Variants in TRIM48 observed in about 807,000 individuals in gnomAD.
TRIM48 encodes tripartite motif containing 48, also known as E3 ubiquitin-protein ligase TRIM48.
TRIM48 carries 31 observed loss-of-function variants against 29.5 expected under a neutral mutation model. The observed-to-expected ratio is 1.05, with a 90% CI of 0.79 to 1.42. The LOEUF is 1.42. Ranked by LOEUF, TRIM48 falls within the 40% of genes most tolerant of loss-of-function variation. The pLI, the probability that TRIM48 is intolerant of heterozygous loss-of-function variation, is 0.00. For missense variants in TRIM48, 344 were observed against 265.0 expected (o/e 1.30, Z -2.07); for synonymous variants, 128 against 90.6 (o/e 1.41, Z -2.34).
intron 5 of TRIM48, among the ~76,000 whole-genome samples, chr11:55,269,974 T>C (rs1266901084): frequency 1.4e-5 from 2 of 147,978 alleles, no homozygotes; most frequent in African/African-American, 2.5e-5. Flanking sequence ...GAAATCTGCT[T>C]CAAATGATCA....
At chr11:55,264,178 G>C (rs1034034606) in intron 1 of TRIM48, among the ~76,000 whole-genome samples, 1 of 123,332 alleles carries the variant, frequency 8.1e-6, no homozygotes, top group Non-Finnish European at 1.8e-5. Flanking sequence ...TCAGAGTTTG[G>C]GTATCCCTAG....
chr11:55,266,302 G>C (rs953710866), intron 3 of TRIM48, among the ~76,000 whole-genome samples: 1 of 147,648 alleles, frequency 6.8e-6, no homozygotes, highest in African/African-American at 2.5e-5. Context: ...TAAATATAAG[G>C]AGAACTCTGA....
At chr11:55,262,372 A>G in intron 1 of TRIM48, 61 bp downstream of exon 1, 2 of 1,211,462 alleles carry the variant, frequency 1.7e-6, no homozygotes, top group Non-Finnish European at 2.4e-6. Flanking sequence ...AATAAATTAG[A>G]GTGTTAAAAA....
Position 55,269,267 on chromosome 11 carries a change from C to G in TRIM48, c.604C>G (p.Pro202Ala). Residue 202 changes from proline to alanine, a missense_variant, in exon 5 of 6, where the codon CCC becomes GCC. Physicochemically the swap from Pro to Ala is conservative, Grantham distance 27. Transcript: ENST00000417545. ...YRSESVLLHM[P>A]QPLNLALRAG... ...GAGTGAGTCCGTGCTGCTGCACATG[C>G]CCCAGCCTCTGAATCTAGCGCTCAG... 1 of 1,576,008 alleles carries G rather than the reference C, an allele frequency of 6.3e-7. No homozygotes were observed. Among genetic ancestry groups the G allele is most frequent in the Non-Finnish European group, 8.6e-7 (1 of 1,165,986 alleles).
chr11:55,267,777 T>C lies in TRIM48; in HGVS notation c.556-573T>C. On this transcript the variant is annotated intron_variant, in intron 3 of 5. Transcript: ENST00000417545. ...CATTCGCATAACTAATGCTACTTTATTGGGAGAGTATAGCCCCGCCAAGGG... is the reference window on the plus strand; with the variant it reads ...CATTCGCATAACTAATGCTACTTTACTGGGAGAGTATAGCCCCGCCAAGGG... 7 of 1,395,266 alleles carry C rather than the reference T, an allele frequency of 5.0e-6. 1 individual carries two copies. The highest frequency in any genetic ancestry group is 6.7e-6 in the Non-Finnish European group (7 of 1,046,226). 86.4% of individuals were successfully genotyped at this position (1,395,266 alleles called of 1,614,324 possible).
At chr11:55,267,702 G>A in intron 3 of TRIM48, 1 of 1,535,958 alleles carries the variant, frequency 6.5e-7, no homozygotes, top group Non-Finnish European at 8.8e-7. Context: ...TTTCCTCATG[G>A]CTGAAATCCA....
chr11:55,269,372 A>G lies in TRIM48; in HGVS notation c.*1+33A>G, dbSNP rs762331577. 1.3e-5 allele frequency: 21 copies of G among 1,562,996 alleles called. 4 individuals are homozygous for G. Among genetic ancestry groups the G allele is most frequent in the South Asian group, 1.2e-4 (10 of 83,162 alleles). On this transcript the variant is annotated intron_variant, in intron 5 of 5. Transcript: ENST00000417545. ...TCCACCCACAGGCAGCACCCCCACT[A>G]TCTAAATATTATTATTGTTAGGATC...
chr11:55,265,318 A>C lies in TRIM48; in HGVS notation c.459+4A>C. On this transcript the variant is annotated splice_donor_region_variant and intron_variant, in intron 2 of 5. Transcript: ENST00000417545. ...GTGGGCTGCTGAGGAACACTGGGTA[A>C]GTGATGCCTCTGAAGATCTATTTCT... 2 of 1,582,242 alleles carry C rather than the reference A, an allele frequency of 1.3e-6. No homozygotes were observed. The highest frequency in any genetic ancestry group is 8.6e-7 in the Non-Finnish European group (1 of 1,166,072).
rs199718234 is a variant in TRIM48 at position 55,265,128 on chromosome 11, C to T, written c.273C>T (p.Ser91=). 1 of 1,582,716 alleles carries T rather than the reference C, an allele frequency of 6.3e-7. No homozygotes were observed. Among genetic ancestry groups the T allele is most frequent in the South Asian group, 1.2e-5 (1 of 83,658 alleles). ...ACATTCGATTGAAGAAGATGGCTTC[C>T]CTTGCCAGAAAAGCCAGTCTCTGGC... is the stretch of plus-strand genomic sequence containing the variant. The part of the protein sequence containing the change: ...KTNIRLKKMA[S]LARKASLWLF... The change falls in exon 2 of 6, where the codon TCC becomes TCT. Residue 91 remains serine (S), a synonymous_variant. Transcript: ENST00000417545.
Position 55,269,353 on chromosome 11 carries a change from C to T in TRIM48, c.*1+14C>T, listed in dbSNP as rs373034348. 7.9e-5 allele frequency: 124 copies of T among 1,570,536 alleles called. 21 individuals are homozygous for T. In the East Asian group the frequency reaches 2.5e-3, roughly 32 times the overall value. ...ACCAATTCTGAGGTAAGTCTCCACCCACAGGCAGCACCCCCACTATCTAAA... is the reference window on the plus strand; with the variant it reads ...ACCAATTCTGAGGTAAGTCTCCACCTACAGGCAGCACCCCCACTATCTAAA... On this transcript the variant is annotated intron_variant, in intron 5 of 5. Transcript: ENST00000417545.
intron 1 of TRIM48, among the ~76,000 whole-genome samples, chr11:55,263,969 A>G (rs1231526464): frequency 6.6e-6 from 1 of 152,028 alleles, no homozygotes; most frequent in Non-Finnish European, 1.5e-5. Context: ...AAACTGAGGG[A>G]TGATGGTCCC....
Position 55,269,794 on chromosome 11 carries a change from A to T in TRIM48, c.*1+455A>T, listed in dbSNP as rs982999375. On this transcript the variant is annotated intron_variant, in intron 5 of 5. Transcript: ENST00000417545. ...TATATTATGTATTTCCAAGAAAATT[A>T]GTTAATGGGTAAAAATAAAAAGAAA... 1.4e-5 allele frequency among the ~76,000 whole-genome samples: 2 copies of T among 147,904 alleles called. 1 individual carries two copies. Among genetic ancestry groups the T allele is most frequent in the South Asian group, 4.9e-4 (2 of 4,106 alleles).
rs1235520295 is a variant in TRIM48, at chr11:55,269,344, G to A, written c.*1+5G>A. On this transcript the variant is annotated splice_donor_5th_base_variant and intron_variant, in intron 5 of 5. Coordinates refer to ENST00000417545, the MANE Select transcript of TRIM48 (RefSeq NM_024114.5). ...ACAGGCTCAACCAATTCTGAGGTAA[G>A]TCTCCACCCACAGGCAGCACCCCCA... 1 of 1,573,520 alleles carries A rather than the reference G, an allele frequency of 6.4e-7. No homozygotes were observed. The highest frequency in any genetic ancestry group is 1.7e-5 in the Admixed American group (1 of 58,474).
At chr11:55,268,416 A>G (rs561451789) in intron 4 of TRIM48, 44 bp downstream of exon 4, 4 of 1,506,882 alleles carry the variant, frequency 2.7e-6, no homozygotes, top group Non-Finnish European at 2.7e-6. Context: ...TTCACTTTCC[A>G]CGAATATCAA....
chr11:55,264,188 G>A (rs1313128199), intron 1 of TRIM48, among the ~76,000 whole-genome samples: 3 of 126,842 alleles, frequency 2.4e-5, no homozygotes, highest in Non-Finnish European at 5.2e-5. Context: ...GGTATCCCTA[G>A]GAGAAGTTAA....
Position 55,265,708 on chromosome 11 carries a change from A to G in TRIM48, c.555+13A>G. On this transcript the variant is annotated intron_variant, in intron 3 of 5. Coordinates refer to ENST00000417545, the MANE Select transcript of TRIM48 (RefSeq NM_024114.5). ...CAGCCACTGGAAGGTTAGTCCTGTAATACCCTACCTTCTCCAGGAACTTAT... is the reference window on the plus strand; with the variant it reads ...CAGCCACTGGAAGGTTAGTCCTGTAGTACCCTACCTTCTCCAGGAACTTAT... 2 of 1,575,372 alleles carry G rather than the reference A, an allele frequency of 1.3e-6. No individual in the cohort carries two copies. Among genetic ancestry groups the G allele is most frequent in the Non-Finnish European group, 1.7e-6 (2 of 1,160,916 alleles).
At chr11:55,270,076 C>G (rs1279283447) in intron 5 of TRIM48, among the ~76,000 whole-genome samples, 1 of 147,928 alleles carries the variant, frequency 6.8e-6, no homozygotes, top group Non-Finnish European at 1.5e-5. Context: ...AATGATGGCA[C>G]TAGTTTTTAA....
chr11:55,265,504 CT>C, intron 2 of TRIM48, 95 bp from the exon 3 acceptor site: 1 of 1,492,948 alleles, frequency 6.7e-7, no homozygotes, highest in Non-Finnish European at 9.1e-7. Context: ...TTACTAGGGA[CT>C]TATTTGTCTC....
Position 55,262,219 on chromosome 11 carries a change from A to T in TRIM48, c.-49A>T, listed in dbSNP as rs1857312097. ...TGTGTTTTGGTGACCTCTGAAACTC[A>T]GTACTGCAGCGAATGAGCTCCTGAC... On this transcript the variant is annotated 5_prime_UTR_variant, in exon 1 of 6. Coordinates refer to ENST00000417545, the MANE Select transcript of TRIM48 (RefSeq NM_024114.5). The T allele has an allele frequency of 6.8e-7, 1 of 1,479,586 alleles. No homozygotes were observed. The highest frequency in any genetic ancestry group is 1.4e-5 in the African/African-American group (1 of 71,524). 91.7% of individuals were successfully genotyped at this position (1,479,586 alleles called of 1,614,324 possible). A position where few individuals can be genotyped will look rare whatever the true frequency, so the allele number is the denominator to read the frequency against.
Sources: gnomAD v4.1 joint callset for allele counts (sites outside exome capture counted in the v4.1 genomes callset) on GRCh38, gnomAD v4.1.1 for gene constraint, MANE v1.5 for transcripts, NCBI Gene and HGNC (gene_info 2026-07-23, HGNC 2026-07-21) for gene names.